The following ANKIB1 variants were observed in gnomAD, a reference collection of about 807,000 sequenced individuals.
The protein encoded by ANKIB1 is ankyrin repeat and IBR domain containing 1.
Under a neutral mutation model 122.1 loss-of-function variants are expected in ANKIB1, and 43 were observed. That is an observed-to-expected ratio of 0.35 (90% CI 0.28 to 0.45). The LOEUF is 0.45. Among genes scored for constraint, ANKIB1 ranks in the 20% least tolerant of loss-of-function variants. The probability of loss-of-function intolerance (pLI) is 1.00; values close to 1 mark genes in which losing one functional copy is unlikely to be tolerated. For missense variants in ANKIB1, 992 were observed against 1,329.5 expected, an observed-to-expected ratio of 0.75 and a Z score of 3.95; for synonymous variants, 390 against 442.0, an observed-to-expected ratio of 0.88 and a Z score of 1.48.
At chr7:92,261,843 A>AGT (rs1801571877) in intron 1 of ANKIB1, among the ~76,000 whole-genome samples, 1 of 152,180 alleles carries the variant, frequency 6.6e-6, no homozygotes, top group Non-Finnish European at 1.5e-5. Flanking sequence ...ATTTTGCGCT[A>AGT]GTGTCAGATC....
chr7:92,325,786 T>A (rs956688994), intron 4 of ANKIB1: 1 of 192,590 alleles, frequency 5.2e-6, no homozygotes, highest in East Asian at 1.2e-4. Flanking sequence ...TATGATAATA[T>A]CAAGGTAGTG....
intron 1 of ANKIB1, among the ~76,000 whole-genome samples, chr7:92,254,310 A>AT (rs2131874676): frequency 6.6e-6 from 1 of 152,308 alleles, no homozygotes; most frequent in East Asian, 1.9e-4. Context: ...AACTGTGTTC[A>AT]TTTTGGACAT....
intron 3 of ANKIB1, among the ~76,000 whole-genome samples, chr7:92,308,190 G>A (rs1020547656): frequency 1.3e-5 from 2 of 151,864 alleles, no homozygotes; most frequent in Non-Finnish European, 2.9e-5. Context: ...TTTAAATAAA[G>A]TTATTTCATT....
rs35028119 is a variant in ANKIB1, at chr7:92,395,538, CTTTTT to C, written c.2284-809_2284-805del. On this transcript the variant is annotated intron_variant, in intron 17 of 19. Coordinates refer to ENST00000265742, the MANE Select transcript of ANKIB1 (RefSeq NM_019004.2). ...TTTTCTGTTACATATATCCCAGTCA[CTTTTT>C]TTTTTTTTTTTTTTTTTGAGATGGA... Among the ~76,000 whole-genome samples, 30 of 108,286 alleles carry C rather than the reference CTTTTT, an allele frequency of 2.8e-4. No homozygotes were observed. The East Asian group carries it at 9.1e-3, about 33-fold the overall frequency. The allele number at this position is 108,286 out of a possible 152,430, so 71.0% of individuals were successfully genotyped here. A position where few individuals can be genotyped will look rare whatever the true frequency, so the allele number is the denominator to read the frequency against.
intron 3 of ANKIB1, among the ~76,000 whole-genome samples, chr7:92,318,632 C>T (rs1386772927): frequency 6.6e-6 from 1 of 152,182 alleles, no homozygotes; most frequent in Non-Finnish European, 1.5e-5. Flanking sequence ...CTTGAACCTA[C>T]AGTCCTTAAT....
intron 2 of ANKIB1, among the ~76,000 whole-genome samples, chr7:92,296,589 CT>C (rs1428717137): frequency 2.0e-5 from 3 of 152,164 alleles, no homozygotes; most frequent in Admixed American, 6.5e-5. Flanking sequence ...TTTTAAAAAA[CT>C]TTTAAGGCTC....
At chr7:92,346,681 T>G (rs914846114) in intron 7 of ANKIB1, among the ~76,000 whole-genome samples, 34 of 152,300 alleles carry the variant, frequency 2.2e-4, no homozygotes, top group Middle Eastern at 3.4e-3. Flanking sequence ...TTATCTTAGT[T>G]GTTAACTGTA....
At chr7:92,359,687 C>G (rs192286900) in intron 9 of ANKIB1, among the ~76,000 whole-genome samples, 34 of 152,322 alleles carry the variant, frequency 2.2e-4, no homozygotes, top group African/African-American at 7.5e-4. Flanking sequence ...CTCCCACCAA[C>G]AGTGTAAAAG....
chr7:92,323,506 G>T (rs1404193234), intron 4 of ANKIB1, among the ~76,000 whole-genome samples: 3 of 151,936 alleles, frequency 2.0e-5, no homozygotes, highest in Non-Finnish European at 2.9e-5. Flanking sequence ...TTTGTGACTT[G>T]CTAATACTAT....
chr7:92,295,101 G>A lies in ANKIB1; in HGVS notation c.123G>A (p.Gly41=). 1 of 1,581,706 alleles carries A rather than the reference G, an allele frequency of 6.3e-7. No individual in the cohort carries two copies. The highest frequency in any genetic ancestry group is 8.6e-7 in the Non-Finnish European group (1 of 1,162,944). The change falls in exon 2 of 20, where the codon GGG becomes GGA. Residue 41 remains glycine, a synonymous_variant. Coordinates refer to ENST00000265742, the MANE Select transcript of ANKIB1 (RefSeq NM_019004.2). ...CTCTTGATCCAAATACATCTTATGGGGAGCCCTACCAGCACAATACTCCAT... is the reference window on the plus strand; with the variant it reads ...CTCTTGATCCAAATACATCTTATGGAGAGCCCTACCAGCACAATACTCCAT... ...KESLDPNTSY[G]EPYQHNTPLH... is the part of the protein sequence containing the mutation.
intron 1 of ANKIB1, among the ~76,000 whole-genome samples, chr7:92,275,230 C>A (rs1483295826): frequency 2.2e-4 from 34 of 152,010 alleles, no homozygotes. Context: ...TTAATTTATT[C>A]TCACTTAATG....
chr7:92,322,908 T>C (rs1802943537), intron 4 of ANKIB1, among the ~76,000 whole-genome samples: 1 of 152,192 alleles, frequency 6.6e-6, no homozygotes, highest in Non-Finnish European at 1.5e-5. Context: ...TATGTGACCT[T>C]GAGCAGATTA....
chr7:92,376,458 T>A lies in ANKIB1; in HGVS notation c.1617+4851T>A, dbSNP rs377079030. ...CACTTTTTTTTTATTTTTTATTTTT[T>A]TTTTTTTTGAGACAAAGTCTCGCTC... is the stretch of plus-strand genomic sequence containing the variant. On this transcript the variant is annotated intron_variant, in intron 11 of 19. Transcript: ENST00000265742. Among the ~76,000 whole-genome samples, 114 of 150,986 alleles carry A rather than the reference T, an allele frequency of 7.6e-4. 1 individual carries two copies. Among genetic ancestry groups the A allele is most frequent in the African/African-American group, 1.9e-3 (76 of 40,802 alleles).
intron 1 of ANKIB1, among the ~76,000 whole-genome samples, chr7:92,265,393 G>A (rs897076932): frequency 6.6e-6 from 1 of 152,156 alleles, no homozygotes; most frequent in South Asian, 2.1e-4. Context: ...GAAGCCCTAA[G>A]GGTTAAAAGA....
chr7:92,387,741 AC>A (rs1184126069), intron 12 of ANKIB1, 56 bp from the exon 13 acceptor site: 37 of 1,348,858 alleles, frequency 2.7e-5, no homozygotes, highest in Non-Finnish European at 3.3e-5. Flanking sequence ...CCCCCAAAAA[AC>A]TATTTTAGTA....
chr7:92,361,381 A>T (rs927405345), intron 9 of ANKIB1, among the ~76,000 whole-genome samples: 2 of 152,254 alleles, frequency 1.3e-5, no homozygotes, highest in Non-Finnish European at 2.9e-5. Flanking sequence ...AACTACAGTA[A>T]TTCAACTTAA....
rs1423711055 is a variant in ANKIB1 at position 92,397,754 on chromosome 7, G to A, written c.2427G>A (p.Arg809=). The A allele has an allele frequency of 1.9e-6, 3 of 1,611,770 alleles. No individual in the cohort carries two copies. The highest frequency in any genetic ancestry group is 2.5e-6 in the Non-Finnish European group (3 of 1,179,160). The change falls in exon 19 of 20, where the codon AGG becomes AGA. Residue 809 remains arginine, a synonymous_variant. Coordinates refer to ENST00000265742, the MANE Select transcript of ANKIB1 (RefSeq NM_019004.2). ...DIPEGGSSSR[R]PGTSVVSSAS... The stretch of plus-strand genomic sequence containing the variant: ...CAGAAGGCGGCAGCAGCAGCCGCAG[G>A]CCTGGCACATCCGTGGTAAGTTCTG...
chr7:92,320,471 G>A (rs1266159638), intron 4 of ANKIB1, among the ~76,000 whole-genome samples: 2 of 152,090 alleles, frequency 1.3e-5, no homozygotes, highest in Non-Finnish European at 2.9e-5. Context: ...TGGCTTTGGG[G>A]ACAACATTCT....
chr7:92,375,577 C>T (rs935952190), intron 11 of ANKIB1, among the ~76,000 whole-genome samples: 2 of 152,244 alleles, frequency 1.3e-5, no homozygotes, highest in Non-Finnish European at 2.9e-5. Context: ...CTTCAGGCTG[C>T]ACTTCCAGTT....
Sources: allele counts gnomAD v4.1 joint callset (sites outside exome capture counted in the v4.1 genomes callset), GRCh38; gene constraint gnomAD v4.1.1; transcripts MANE v1.5; gene names NCBI Gene and HGNC (gene_info 2026-07-23, HGNC 2026-07-21).